KCNIP4: variants seen among roughly 807,000 people sequenced by gnomAD.
KCNIP4 encodes potassium voltage-gated channel interacting protein 4.
A neutral mutation model predicts 34.0 loss-of-function variants in KCNIP4; 12 were observed. That is an observed-to-expected ratio of 0.35 (90% confidence interval 0.23 to 0.57). The LOEUF (loss-of-function observed/expected upper bound fraction) is 0.57. Ranked by LOEUF, KCNIP4 falls within the 20% of genes least tolerant of loss-of-function variation. The probability of loss-of-function intolerance (pLI) is 0.83; values close to 1 mark genes in which losing one functional copy is unlikely to be tolerated. For synonymous variants in KCNIP4, 124 were observed against 102.2 expected (o/e 1.21, Z -1.29); for missense variants, 238 against 311.7 (o/e 0.76, Z 1.78).
intron 5 of KCNIP4, among the ~76,000 whole-genome samples, chr4:20,737,886 C>G (rs1313301273): frequency 6.6e-6 from 1 of 152,174 alleles, no homozygotes; most frequent in Non-Finnish European, 1.5e-5. Flanking sequence ...AATCCCAGCA[C>G]TTTGGGTGGT....
intron 3 of KCNIP4, among the ~76,000 whole-genome samples, chr4:20,820,004 T>C (rs1716907061): frequency 6.6e-6 from 1 of 152,198 alleles, no homozygotes; most frequent in Admixed American, 6.5e-5. Context: ...CAGTGGGGTG[T>C]TGCTGTTAAC....
At chr4:21,682,735 G>A (rs1187688002) in intron 1 of KCNIP4, among the ~76,000 whole-genome samples, 1 of 152,054 alleles carries the variant, frequency 6.6e-6, no homozygotes, top group Non-Finnish European at 1.5e-5. Context: ...TTGTAATACT[G>A]TTGTATCTCA....
intron 1 of KCNIP4, among the ~76,000 whole-genome samples, chr4:21,066,441 A>G (rs952122049): frequency 3.9e-5 from 6 of 152,160 alleles, no homozygotes; most frequent in Non-Finnish European, 8.8e-5. Context: ...TGGTTTTCAC[A>G]TCATATTGAG....
At chr4:21,835,636 T>C (rs963624648) in intron 1 of KCNIP4, among the ~76,000 whole-genome samples, 28 of 152,300 alleles carry the variant, frequency 1.8e-4, no homozygotes, top group African/African-American at 6.5e-4. Flanking sequence ...ATCTTACTTG[T>C]ATATGTTTCC....
intron 1 of KCNIP4, among the ~76,000 whole-genome samples, chr4:21,760,572 C>T (rs955474925): frequency 5.9e-5 from 9 of 152,112 alleles, no homozygotes; most frequent in Middle Eastern, 3.4e-3. Context: ...ATGCAGAATT[C>T]GGAACCCCAG....
intron 1 of KCNIP4, among the ~76,000 whole-genome samples, chr4:21,179,642 G>T (rs558745031): frequency 3.3e-5 from 5 of 152,224 alleles, no homozygotes; most frequent in African/African-American, 1.2e-4. Context: ...AGGCACATGT[G>T]GGTGTTATGC....
chr4:20,810,915 G>T (rs552045346), intron 3 of KCNIP4, among the ~76,000 whole-genome samples: 5 of 152,144 alleles, frequency 3.3e-5, no homozygotes, highest in African/African-American at 1.2e-4. Flanking sequence ...ATGCCTTCAG[G>T]GATTTGGGAA....
chr4:21,637,320 G>T (rs1006105742), intron 1 of KCNIP4, among the ~76,000 whole-genome samples: 1 of 152,104 alleles, frequency 6.6e-6, no homozygotes, highest in African/African-American at 2.4e-5. Flanking sequence ...TTCAGGTAAT[G>T]CCACCAGCTA....
At chr4:21,703,495 T>C (rs1238877741) in intron 1 of KCNIP4, among the ~76,000 whole-genome samples, 2 of 152,126 alleles carry the variant, frequency 1.3e-5, no homozygotes, top group Admixed American at 6.6e-5. Flanking sequence ...TTCTCACTCA[T>C]AGGTGGAAAA....
chr4:21,080,222 A>C (rs1482246625), intron 1 of KCNIP4, among the ~76,000 whole-genome samples: 1 of 151,768 alleles, frequency 6.6e-6, no homozygotes, highest in Non-Finnish European at 1.5e-5. Context: ...CAAGTTATTA[A>C]ATTTTTACAT....
At chr4:21,447,365 A>T (rs927121732) in intron 1 of KCNIP4, among the ~76,000 whole-genome samples, 2 of 152,166 alleles carry the variant, frequency 1.3e-5, no homozygotes, top group Admixed American at 6.5e-5. Flanking sequence ...CAACCTGCTG[A>T]CAACTTGATC....
intron 1 of KCNIP4, among the ~76,000 whole-genome samples, chr4:20,940,062 A>C (rs1731483807): frequency 6.6e-6 from 1 of 152,154 alleles, no homozygotes; most frequent in Non-Finnish European, 1.5e-5. Flanking sequence ...CTTTATGTAG[A>C]TCTCTCAATC....
chr4:21,201,322 A>G (rs1425776948), intron 1 of KCNIP4, among the ~76,000 whole-genome samples: 1 of 152,228 alleles, frequency 6.6e-6, no homozygotes, highest in Non-Finnish European at 1.5e-5. Flanking sequence ...TCAAGTTAAA[A>G]GAACAGGAGG....
At chr4:20,917,912 T>C (rs895340151) in intron 1 of KCNIP4, among the ~76,000 whole-genome samples, 14 of 152,138 alleles carry the variant, frequency 9.2e-5, no homozygotes, top group Admixed American at 7.9e-4. Context: ...TTTTAACGTG[T>C]CCAACTTGGC....
intron 1 of KCNIP4, among the ~76,000 whole-genome samples, chr4:21,143,998 G>A (rs138150068): frequency 5.9e-5 from 9 of 152,084 alleles, no homozygotes; most frequent in Non-Finnish European, 8.8e-5. Flanking sequence ...GTGAGCCACC[G>A]CGCCAGGCCC....
intron 1 of KCNIP4, among the ~76,000 whole-genome samples, chr4:21,242,182 A>AAG (rs1759873722): frequency 6.6e-6 from 1 of 151,494 alleles, no homozygotes; most frequent in African/African-American, 2.4e-5. Context: ...AAAAAAAAAA[A>AAG]AAAAGAATGT....
At chr4:20,803,776 A>AGG (rs1714725704) in intron 3 of KCNIP4, among the ~76,000 whole-genome samples, 25 of 151,100 alleles carry the variant, frequency 1.7e-4, no homozygotes, top group African/African-American at 2.9e-4. Flanking sequence ...GAAGGACGGA[A>AGG]AATAGAGAAC....
intron 1 of KCNIP4, among the ~76,000 whole-genome samples, chr4:21,558,373 TC>T (rs1739244245): frequency 6.6e-6 from 1 of 151,938 alleles, no homozygotes; most frequent in African/African-American, 2.4e-5. Flanking sequence ...ATGCCTATAA[TC>T]CCAGCTACTC....
At chr4:20,818,853 T>C (rs1167238475) in intron 3 of KCNIP4, among the ~76,000 whole-genome samples, 4 of 151,764 alleles carry the variant, frequency 2.6e-5, no homozygotes, top group African/African-American at 7.3e-5. Context: ...ATCATAAGAA[T>C]GCAACTAACA....
Sources: allele counts gnomAD v4.1 joint callset (sites outside exome capture counted in the v4.1 genomes callset), GRCh38; gene constraint gnomAD v4.1.1; transcripts MANE v1.5; gene names NCBI Gene and HGNC (gene_info 2026-07-23, HGNC 2026-07-21).